GRHL2: variants seen among roughly 807,000 people sequenced by gnomAD.
GRHL2 encodes grainyhead-like protein 2 homolog.
In GRHL2, 21 loss-of-function variants were observed where a neutral mutation model predicts 83.8. That is an observed-to-expected ratio of 0.25 (90% CI 0.18 to 0.36). The LOEUF is 0.36. GRHL2 is among the 10% of genes least tolerant of loss of function. The pLI, the probability that GRHL2 is intolerant of heterozygous loss-of-function variation, is 1.00. For missense variants in GRHL2, 623 were observed against 781.8 expected (o/e 0.80, Z 2.42); for synonymous variants, 280 against 278.9 (o/e 1.00, Z -0.04).
chr8:101,505,760 A>T (rs995717044), intron 1 of GRHL2, among the ~76,000 whole-genome samples: 1 of 152,082 alleles, frequency 6.6e-6, no homozygotes, highest in Non-Finnish European at 1.5e-5. Flanking sequence ...TTGCATTTCG[A>T]TTTTGTTCAC....
intron 7 of GRHL2, among the ~76,000 whole-genome samples, chr8:101,581,263 G>A (rs116553397): frequency 0.014 from 2,134 of 152,246 alleles, 42 homozygotes; most frequent in African/African-American, 0.048. Flanking sequence ...ACATTGGGTC[G>A]TAAACTGTTT....
intron 14 of GRHL2, among the ~76,000 whole-genome samples, chr8:101,652,432 GTGTC>G (rs1813666617): frequency 2.3e-5 from 2 of 86,668 alleles, no homozygotes; most frequent in South Asian, 4.4e-4. Flanking sequence ...TGTGGTGTGT[GTGTC>G]TGGTGTGTGT....
chr8:101,595,670 A>G (rs1489282468), intron 7 of GRHL2, among the ~76,000 whole-genome samples: 1 of 152,178 alleles, frequency 6.6e-6, no homozygotes, highest in African/African-American at 2.4e-5. Context: ...CTTATTCTAA[A>G]TTTGAAAGAT....
intron 1 of GRHL2, among the ~76,000 whole-genome samples, chr8:101,535,138 A>C (rs150939042): frequency 6.6e-6 from 1 of 152,352 alleles, no homozygotes; most frequent in Non-Finnish European, 1.5e-5. Flanking sequence ...TCCTGTGGTC[A>C]CATTCTGGAT....
intron 1 of GRHL2, among the ~76,000 whole-genome samples, chr8:101,503,110 G>A (rs928133794): frequency 6.6e-6 from 1 of 152,172 alleles, no homozygotes; most frequent in Non-Finnish European, 1.5e-5. Flanking sequence ...GAATTTAAAA[G>A]TCTCTGAAGT....
intron 4 of GRHL2, among the ~76,000 whole-genome samples, chr8:101,563,558 A>G (rs1811651477): frequency 6.6e-6 from 1 of 152,156 alleles, no homozygotes; most frequent in Non-Finnish European, 1.5e-5. Context: ...GTGACATATG[A>G]TAAATTCCTT....
intron 1 of GRHL2, among the ~76,000 whole-genome samples, chr8:101,499,908 T>G (rs1810188531): frequency 6.6e-6 from 1 of 152,060 alleles, no homozygotes; most frequent in Non-Finnish European, 1.5e-5. Flanking sequence ...AAACCCCGTC[T>G]TTAGTAATAA....
chr8:101,544,260 C>T (rs1811215288), intron 2 of GRHL2, among the ~76,000 whole-genome samples: 1 of 152,176 alleles, frequency 6.6e-6, no homozygotes, highest in Non-Finnish European at 1.5e-5. Flanking sequence ...TTATAAGGAA[C>T]ATTCCAGTGA....
chr8:101,666,924 G>A lies in GRHL2; in HGVS notation c.*221G>A, dbSNP rs935677857. On this transcript the variant is annotated 3_prime_UTR_variant, in exon 16 of 16. Transcript: ENST00000646743. ...AGCTGAAGCCTGAGCCCCTCAGGAA[G>A]GTGCCTTAGGCCTGTTGGATTCCTA... 3.1e-5 allele frequency: 19 copies of A among 614,504 alleles called. No individual in the cohort carries two copies. Among genetic ancestry groups the A allele is most frequent in the Non-Finnish European group, 4.7e-5 (16 of 343,074 alleles). The allele number at this position is 614,504 out of a possible 1,614,324, so 38.1% of individuals were successfully genotyped here. A position where few individuals can be genotyped will look rare whatever the true frequency, so the allele number is the denominator to read the frequency against.
In GRHL2 at chr8:101,632,304, A is replaced by T. The variant is rs763876613; in HGVS notation, c.1424A>T (p.His475Leu). 1.1e-5 allele frequency: 18 copies of T among 1,613,910 alleles called. No homozygotes were observed. The highest frequency in any genetic ancestry group is 1.5e-5 in the Non-Finnish European group (18 of 1,179,924). The part of the protein sequence containing the change: ...ITYFKTMPDL[H>L]SQPVLFIPDV... ...TACTTCAAAACCATGCCTGATCTCC[A>T]CTCACAGCCAGTTCTCTTCATACCT... Residue 475 changes from histidine to leucine, a missense_variant, in exon 11 of 16, where the codon CAC becomes CTC. By Grantham distance (99) the His-to-Leu change is moderately conservative. Transcript: ENST00000646743.
At chr8:101,547,715 C>G (rs1811294886) in intron 2 of GRHL2, among the ~76,000 whole-genome samples, 2 of 152,120 alleles carry the variant, frequency 1.3e-5, no homozygotes, top group South Asian at 4.1e-4. Flanking sequence ...ACAAAATGCC[C>G]TTTTTTGAAT....
intron 8 of GRHL2, among the ~76,000 whole-genome samples, chr8:101,615,563 G>A (rs748417782): frequency 6.6e-6 from 1 of 152,198 alleles, no homozygotes; most frequent in Non-Finnish European, 1.5e-5. Flanking sequence ...AGATCTCTAT[G>A]AAGCACATGG....
At chr8:101,649,185 G>C (rs1417820216) in intron 13 of GRHL2, among the ~76,000 whole-genome samples, 3 of 152,164 alleles carry the variant, frequency 2.0e-5, no homozygotes. Context: ...TCCTACGGCC[G>C]GGTTGTCGGT....
chr8:101,508,333 T>C (rs1810382014), intron 1 of GRHL2, among the ~76,000 whole-genome samples: 1 of 151,916 alleles, frequency 6.6e-6, no homozygotes, highest in Non-Finnish European at 1.5e-5. Flanking sequence ...CTTTGCCAAT[T>C]TGGTAGATTA....
downstream of GRHL2, among the ~76,000 whole-genome samples, chr8:101,671,492 C>T (rs1308515536): frequency 6.6e-6 from 1 of 151,032 alleles, no homozygotes; most frequent in African/African-American, 2.5e-5. Flanking sequence ...GGGAGGGGCA[C>T]CTGCAATTGC....
intron 15 of GRHL2, among the ~76,000 whole-genome samples, chr8:101,665,408 T>TATC: frequency 6.6e-6 from 1 of 152,298 alleles, no homozygotes; most frequent in Middle Eastern, 3.4e-3. Flanking sequence ...GAAATTGGAT[T>TATC]ATCTGGGAAG....
At chr8:101,638,046 C>G (rs1033340167) in intron 12 of GRHL2, among the ~76,000 whole-genome samples, 1 of 152,172 alleles carries the variant, frequency 6.6e-6, no homozygotes, top group Non-Finnish European at 1.5e-5. Flanking sequence ...TTCTTAGGAC[C>G]TGGATGCTAT....
chr8:101,561,739 C>A (rs1250916302), intron 4 of GRHL2, among the ~76,000 whole-genome samples: 2 of 152,146 alleles, frequency 1.3e-5, no homozygotes, highest in Non-Finnish European at 1.5e-5. Context: ...ATGGCATAAC[C>A]ATTTTACATC....
At chr8:101,507,795 T>TA (rs1491390457) in intron 1 of GRHL2, among the ~76,000 whole-genome samples, 27 of 78,294 alleles carry the variant, frequency 3.4e-4, no homozygotes, top group Middle Eastern at 7.1e-3. Context: ...TTTTTTTTTT[T>TA]AGACAAGAGT....
Sources: gnomAD v4.1 joint callset for allele counts (sites outside exome capture counted in the v4.1 genomes callset) on GRCh38, gnomAD v4.1.1 for gene constraint, MANE v1.5 for transcripts, NCBI Gene and HGNC (gene_info 2026-07-23, HGNC 2026-07-21) for gene names.